Variants in CAMTA1 observed in about 807,000 individuals in gnomAD.
The protein encoded by CAMTA1 is calmodulin-binding transcription activator 1.
A neutral mutation model predicts 170.9 loss-of-function variants in CAMTA1; 27 were observed. The observed-to-expected ratio is 0.16, with a 90% CI of 0.12 to 0.22. The LOEUF (loss-of-function observed/expected upper bound fraction) is 0.22, where lower values mean the gene tolerates loss of function less well. Among genes scored for constraint, CAMTA1 ranks in the 10% least tolerant of loss-of-function variants. The pLI, the probability that CAMTA1 is intolerant of heterozygous loss-of-function variation, is 1.00. For missense variants in CAMTA1, 1,619 were observed against 2,217.2 expected (o/e 0.73, Z 5.42); for synonymous variants, 833 against 891.5 (o/e 0.93, Z 1.17).
At chr1:7,261,629 G>T (rs772204006) in intron 5 of CAMTA1, among the ~76,000 whole-genome samples, 1 of 152,180 alleles carries the variant, frequency 6.6e-6, no homozygotes, top group African/African-American at 2.4e-5. Context: ...TAGGCTTTGC[G>T]GATGGTGGAG....
intron 3 of CAMTA1, among the ~76,000 whole-genome samples, chr1:6,907,117 G>A (rs137861264): frequency 4.6e-5 from 7 of 152,160 alleles, no homozygotes; most frequent in African/African-American, 1.7e-4. Flanking sequence ...TGTTCTAATT[G>A]CTTTTCAGTT....
At chr1:6,927,745 G>A (rs987967039) in intron 3 of CAMTA1, among the ~76,000 whole-genome samples, 7 of 152,356 alleles carry the variant, frequency 4.6e-5, no homozygotes, top group African/African-American at 1.7e-4. Flanking sequence ...TCCGGCAGAT[G>A]TTAAGTATTG....
At chr1:7,038,062 G>C (rs1380894645) in intron 3 of CAMTA1, among the ~76,000 whole-genome samples, 1 of 152,090 alleles carries the variant, frequency 6.6e-6, no homozygotes, top group Non-Finnish European at 1.5e-5. Context: ...ATGAGGCTAC[G>C]TTAGTGCCTA....
intron 5 of CAMTA1, among the ~76,000 whole-genome samples, chr1:7,393,961 C>T (rs1318141772): frequency 1.3e-5 from 2 of 152,146 alleles, no homozygotes; most frequent in Non-Finnish European, 2.9e-5. Flanking sequence ...TCTTTCTGTG[C>T]CAGGCTTATT....
intron 4 of CAMTA1, among the ~76,000 whole-genome samples, chr1:7,128,483 C>A (rs1645058312): frequency 1.3e-5 from 2 of 152,068 alleles, no homozygotes; most frequent in Non-Finnish European, 2.9e-5. Flanking sequence ...GTGCAAAGGC[C>A]CTGAGGTAGC....
At position 7,121,891 on chromosome 1, in the gene CAMTA1, A is replaced by T. The variant is rs142861985; in HGVS notation, c.302+30520A>T. 7.5e-3 allele frequency among the ~76,000 whole-genome samples: 1,147 copies of T among 152,068 alleles called. 14 individuals are homozygous for T. The highest frequency in any genetic ancestry group is 0.011 in the Non-Finnish European group (741 of 67,966). On this transcript the variant is annotated intron_variant, in intron 4 of 22. Transcript: ENST00000303635. ...TCTTATGGGCATCTGGCAGGGTGAG[A>T]GGCTGGGTTCTAGGGGAGGGCACTG...
At chr1:7,528,802 GATGA>G (rs3033702) in intron 6 of CAMTA1, among the ~76,000 whole-genome samples, 9,287 of 148,440 alleles carry the variant, frequency 0.063, 317 homozygotes, top group Middle Eastern at 0.09. Context: ...TGAAAGGATG[GATGA>G]ATGAATGAAT....
At chr1:7,636,719 A>C (rs2095715227) in intron 6 of CAMTA1, among the ~76,000 whole-genome samples, 1 of 152,106 alleles carries the variant, frequency 6.6e-6, no homozygotes, top group African/African-American at 2.4e-5. Context: ...CAAAAAAAAA[A>C]AAAGGAAGGC....
intron 3 of CAMTA1, among the ~76,000 whole-genome samples, chr1:6,866,096 T>C (rs572050630): frequency 6.6e-6 from 1 of 152,332 alleles, no homozygotes; most frequent in East Asian, 1.9e-4. Flanking sequence ...AGAGGGTATA[T>C]GTTGGGACTG....
chr1:7,768,673 T>A lies in CAMTA1; in HGVS notation c.*2182T>A, dbSNP rs941950057. On this transcript the variant is annotated 3_prime_UTR_variant, in exon 23 of 23. Transcript: ENST00000303635. ...ATATGTCTTTCTGCTTGTGATCAGC[T>A]TTGACAACAGTGACAGCCCCACAAC... 1 of 152,672 alleles carries A rather than the reference T, an allele frequency of 6.5e-6. No individual in the cohort carries two copies. Among genetic ancestry groups the A allele is most frequent in the African/African-American group, 2.4e-5 (1 of 41,406 alleles). 9.5% of individuals were successfully genotyped at this position (152,672 alleles called of 1,614,324 possible). A position where few individuals can be genotyped will look rare whatever the true frequency, so the allele number is the denominator to read the frequency against.
At chr1:7,291,616 C>T (rs1040392272) in intron 5 of CAMTA1, among the ~76,000 whole-genome samples, 20 of 152,362 alleles carry the variant, frequency 1.3e-4, no homozygotes, top group African/African-American at 4.8e-4. Context: ...TGCCTGACCT[C>T]AGGAGGCTGA....
intron 5 of CAMTA1, among the ~76,000 whole-genome samples, chr1:7,446,456 G>A (rs1016189665): frequency 6.6e-6 from 1 of 152,192 alleles, no homozygotes; most frequent in South Asian, 2.1e-4. Flanking sequence ...CTGGTCCCAC[G>A]GGTACAGGGA....
chr1:7,604,533 G>C (rs533652631), intron 6 of CAMTA1, among the ~76,000 whole-genome samples: 1 of 152,138 alleles, frequency 6.6e-6, no homozygotes, highest in Non-Finnish European at 1.5e-5. Flanking sequence ...AGCTCCATCA[G>C]GTCCTTTAAG....
chr1:7,379,523 C>T (rs933234030), intron 5 of CAMTA1, among the ~76,000 whole-genome samples: 2 of 152,354 alleles, frequency 1.3e-5, no homozygotes, highest in East Asian at 3.9e-4. Context: ...ACACCAGCGT[C>T]TCGTATTTCA....
At chr1:7,683,464 C>T (rs980050820) in intron 11 of CAMTA1, among the ~76,000 whole-genome samples, 8 of 152,118 alleles carry the variant, frequency 5.3e-5, no homozygotes, top group African/African-American at 1.9e-4. Context: ...CCTACCCTCT[C>T]CCACCTCCGG....
chr1:6,954,206 C>T (rs1211096629), intron 3 of CAMTA1, among the ~76,000 whole-genome samples: 2 of 152,190 alleles, frequency 1.3e-5, no homozygotes, highest in South Asian at 2.1e-4. Flanking sequence ...CCTGGCTGGT[C>T]GCCTGATGAT....
intron 3 of CAMTA1, among the ~76,000 whole-genome samples, chr1:6,966,253 C>G (rs368670485): frequency 1.3e-5 from 2 of 152,238 alleles, no homozygotes; most frequent in Middle Eastern, 3.4e-3. Context: ...TTAGTATATT[C>G]ACAAAAACGT....
At chr1:7,649,488 C>T (rs1296217937) in intron 7 of CAMTA1, among the ~76,000 whole-genome samples, 1 of 152,216 alleles carries the variant, frequency 6.6e-6, no homozygotes, top group Non-Finnish European at 1.5e-5. Context: ...CTTCCTGGCT[C>T]CTGCCAGAAT....
At chr1:7,176,827 A>C (rs1650940449) in intron 4 of CAMTA1, among the ~76,000 whole-genome samples, 1 of 152,182 alleles carries the variant, frequency 6.6e-6, no homozygotes, top group Non-Finnish European at 1.5e-5. Context: ...ACCAGTGTCC[A>C]CAGGAGAGAT....
Sources: allele counts gnomAD v4.1 joint callset (sites outside exome capture counted in the v4.1 genomes callset), GRCh38; gene constraint gnomAD v4.1.1; transcripts MANE v1.5; gene names NCBI Gene and HGNC (gene_info 2026-07-23, HGNC 2026-07-21).